The following EPB41L4A variants were observed in gnomAD, a reference collection of about 807,000 sequenced individuals.
EPB41L4A encodes the protein erythrocyte membrane protein band 4.1 like 4A.
A neutral mutation model predicts 108.6 loss-of-function variants in EPB41L4A; 100 were observed. The ratio of observed to expected loss-of-function variants is 0.92; its 90% CI spans 0.78 to 1.09. The LOEUF (loss-of-function observed/expected upper bound fraction) is 1.09. Ranked by LOEUF, EPB41L4A falls within the 50% of genes least tolerant of loss-of-function variation. The pLI is 0.00. For synonymous variants in EPB41L4A, 319 were observed against 289.0 expected (o/e 1.10, Z -1.05); for missense variants, 1,030 against 842.7 (o/e 1.22, Z -2.75).
intron 1 of EPB41L4A, among the ~76,000 whole-genome samples, chr5:112,388,380 A>T: frequency 6.6e-6 from 1 of 152,216 alleles, no homozygotes; most frequent in Middle Eastern, 3.2e-3. Context: ...GGCCCAGGTC[A>T]CTTGGCTCTC....
intron 18 of EPB41L4A, among the ~76,000 whole-genome samples, chr5:112,175,722 ATG>A (rs61692111): frequency 0.033 from 4,980 of 150,974 alleles, 310 homozygotes; most frequent in African/African-American, 0.11. Flanking sequence ...ATCTGAAGAT[ATG>A]TGTGTGTGTG....
At chr5:112,282,131 G>A (rs769825354) in intron 2 of EPB41L4A, among the ~76,000 whole-genome samples, 17 of 152,136 alleles carry the variant, frequency 1.1e-4, no homozygotes, top group Non-Finnish European at 2.1e-4. Flanking sequence ...AATGCTCTTG[G>A]AGCCCACAGC....
chr5:112,147,731 A>C (rs1759314823), intron 12 of EPB41L4A, among the ~76,000 whole-genome samples: 1 of 152,016 alleles, frequency 6.6e-6, no homozygotes, highest in African/African-American at 2.4e-5. Flanking sequence ...TAAGAAAAAA[A>C]TGAATGAAAA....
chr5:112,306,565 G>A (rs1033109999), intron 2 of EPB41L4A, among the ~76,000 whole-genome samples: 5 of 152,152 alleles, frequency 3.3e-5, no homozygotes, highest in Non-Finnish European at 7.4e-5. Context: ...AATGAAGGAA[G>A]AGGAGGACAT....
At chr5:112,353,392 G>T (rs1243979961) in intron 1 of EPB41L4A, among the ~76,000 whole-genome samples, 1 of 152,196 alleles carries the variant, frequency 6.6e-6, no homozygotes, top group Non-Finnish European at 1.5e-5. Context: ...CAGGGCACTG[G>T]GCAGCGTGCA....
chr5:112,221,415 C>A (rs942351823), intron 12 of EPB41L4A, among the ~76,000 whole-genome samples: 23 of 152,168 alleles, frequency 1.5e-4, no homozygotes, highest in African/African-American at 5.3e-4. Context: ...TCAGCTCTGC[C>A]AGTTTACCCA....
intron 2 of EPB41L4A, among the ~76,000 whole-genome samples, chr5:112,301,234 A>C (rs1040183168): frequency 6.6e-6 from 1 of 152,098 alleles, no homozygotes; most frequent in Non-Finnish European, 1.5e-5. Flanking sequence ...TTCTTTTATC[A>C]TATTACCAGA....
intron 2 of EPB41L4A, among the ~76,000 whole-genome samples, chr5:112,306,125 A>G (rs1754665707): frequency 6.6e-6 from 1 of 152,166 alleles, no homozygotes; most frequent in Non-Finnish European, 1.5e-5. Flanking sequence ...CTGACATAGT[A>G]GATAAGATCA....
At chr5:112,188,515 T>C (rs1025081644) in intron 17 of EPB41L4A, among the ~76,000 whole-genome samples, 2 of 152,224 alleles carry the variant, frequency 1.3e-5, no homozygotes, top group African/African-American at 4.8e-5. Context: ...CCTCAGTTGC[T>C]GCGGCTTTGT....
intron 1 of EPB41L4A, among the ~76,000 whole-genome samples, chr5:112,330,670 G>A (rs748411997): frequency 5.3e-5 from 8 of 151,956 alleles, no homozygotes; most frequent in Non-Finnish European, 1.0e-4. Context: ...TTGAACCCAG[G>A]CCAGCTGGCT....
rs1486566923 is a variant in EPB41L4A at position 112,235,876 on chromosome 5, G to C, written c.966-1121C>G. Among the ~76,000 whole-genome samples the C allele has an allele frequency of 2.0e-5, 3 of 152,222 alleles. No homozygotes were observed. The East Asian group carries it at 5.8e-4, about 29-fold the overall frequency. ...CAGTTCATGGAAATTCGGGAGGGGAGAGGAGCAAACTGACAGATTTTCTTT... is the reference window on the plus strand; with the variant it reads ...CAGTTCATGGAAATTCGGGAGGGGACAGGAGCAAACTGACAGATTTTCTTT... On this transcript the variant is annotated intron_variant, in intron 11 of 22. Coordinates refer to ENST00000261486, the MANE Select transcript of EPB41L4A (RefSeq NM_022140.5).
Position 112,194,568 on chromosome 5 carries a change from C to G in EPB41L4A, c.1502G>C (p.Arg501Thr), listed in dbSNP as rs1761867068. 6.4e-6 allele frequency: 10 copies of G among 1,554,184 alleles called. No homozygotes were observed. The highest frequency in any genetic ancestry group is 8.8e-6 in the Non-Finnish European group (10 of 1,132,304). The part of the protein sequence containing the change: ...SNREYRKKRN[R>T]IRQENDMVDS... ...GTTAATTATAATATTGAGATATTAC[C>G]TGTTTCTCTTTTTCCGGTATTCTCT... Residue 501 changes from arginine to threonine, a missense_variant and splice_region_variant, in exon 17 of 23, where the codon AGA (arginine) becomes ACA (threonine). Arg to Thr is a moderately conservative substitution (Grantham distance 71). Transcript: ENST00000261486.
chr5:112,252,086 T>C (rs57970031), intron 9 of EPB41L4A, among the ~76,000 whole-genome samples: 4,191 of 152,176 alleles, frequency 0.028, 281 homozygotes, highest in East Asian at 0.27. Flanking sequence ...AAGGTTCTCA[T>C]GGCCAAAGAA....
chr5:112,336,573 T>C (rs1284485436), intron 1 of EPB41L4A, among the ~76,000 whole-genome samples: 2 of 152,196 alleles, frequency 1.3e-5, no homozygotes, highest in African/African-American at 4.8e-5. Context: ...AGCACTTTCC[T>C]GGTCCCCTTG....
At chr5:112,168,010 G>A (rs1227895533) in intron 22 of EPB41L4A, among the ~76,000 whole-genome samples, 1 of 152,170 alleles carries the variant, frequency 6.6e-6, no homozygotes, top group South Asian at 2.1e-4. Flanking sequence ...ACAACACGAC[G>A]AACAACGGGC....
At chr5:112,325,304 AG>A (rs1285907425) in intron 1 of EPB41L4A, among the ~76,000 whole-genome samples, 7 of 151,990 alleles carry the variant, frequency 4.6e-5, no homozygotes, top group Non-Finnish European at 1.0e-4. Context: ...AGCCGGGCGT[AG>A]TGGCACACGC....
chr5:112,220,655 C>T (rs1366145), intron 12 of EPB41L4A, among the ~76,000 whole-genome samples: 101,508 of 152,084 alleles, frequency 0.67, 34,941 homozygotes, highest in East Asian at 0.97. Context: ...GATCAGGACA[C>T]GCTACCCCAA....
At chr5:112,339,748 C>A (rs545049943) in intron 1 of EPB41L4A, among the ~76,000 whole-genome samples, 112 of 151,962 alleles carry the variant, frequency 7.4e-4, no homozygotes, top group African/African-American at 2.7e-3. Flanking sequence ...GTTGGCCAGG[C>A]TGGTCTCCAA....
intron 1 of EPB41L4A, among the ~76,000 whole-genome samples, chr5:112,330,364 C>T (rs1281814912): frequency 6.6e-6 from 1 of 152,048 alleles, no homozygotes; most frequent in Non-Finnish European, 1.5e-5. Context: ...TAACCAGGTT[C>T]TGCAGAACTG....
Sources: allele counts gnomAD v4.1 joint callset (sites outside exome capture counted in the v4.1 genomes callset), GRCh38; gene constraint gnomAD v4.1.1; transcripts MANE v1.5; gene names NCBI Gene and HGNC (gene_info 2026-07-23, HGNC 2026-07-21).